The following PHF24 variants were observed in gnomAD, a reference collection of about 807,000 sequenced individuals.
PHF24 encodes Galpha inhibitory interacting protein.
In PHF24, 25 loss-of-function variants were observed where a neutral mutation model predicts 42.6. The ratio of observed to expected loss-of-function variants is 0.59; its 90% CI spans 0.43 to 0.82. PHF24 has a LOEUF of 0.82. PHF24 is among the 40% of genes least tolerant of loss of function. The pLI, the probability that PHF24 is intolerant of heterozygous loss-of-function variation, is 0.00. For synonymous variants in PHF24, 185 were observed against 204.8 expected (o/e 0.90, Z 0.83); for missense variants, 470 against 538.1 (o/e 0.87, Z 1.25).
At chr9:34,977,523 C>G (rs1028853568) in intron 6 of PHF24, 23 bp from the exon 7 acceptor site, 17 of 1,592,698 alleles carry the variant, frequency 1.1e-5, no homozygotes, top group Non-Finnish European at 1.5e-5. Context: ...CCACTCCTAA[C>G]CACGTGTCCT....
At chr9:34,753,923 T>C in the PHF24 span, among the ~76,000 whole-genome samples, 1 of 152,152 alleles carries the variant, frequency 6.6e-6, no homozygotes, top group African/African-American at 2.4e-5. Flanking sequence ...CTGGAAAAAC[T>C]GGAAATCCAT....
At chr9:34,903,403 C>T in the PHF24 span, among the ~76,000 whole-genome samples, 1 of 151,970 alleles carries the variant, frequency 6.6e-6, no homozygotes, top group Admixed American at 6.6e-5. Flanking sequence ...CCCATCTCTA[C>T]AAAAAATAAA....
At chr9:34,733,071 G>T in the PHF24 span, among the ~76,000 whole-genome samples, 1 of 152,268 alleles carries the variant, frequency 6.6e-6, no homozygotes, top group East Asian at 1.9e-4. Context: ...GGGTCAAAAG[G>T]TGTGTGTATT....
At chr9:34,686,617 T>C in the PHF24 span, among the ~76,000 whole-genome samples, 1 of 152,198 alleles carries the variant, frequency 6.6e-6, no homozygotes, top group Non-Finnish European at 1.5e-5. Flanking sequence ...AAGAGCAACC[T>C]GAGAAGGGAT....
At chr9:34,962,014 C>T (rs966390558) in intron 1 of PHF24, among the ~76,000 whole-genome samples, 31 of 152,166 alleles carry the variant, frequency 2.0e-4, no homozygotes, top group Admixed American at 1.8e-3. Flanking sequence ...TCACCACCTA[C>T]GAGCTCTTAG....
At chr9:34,922,290 G>A in the PHF24 span, 2 of 1,592,958 alleles carry the variant, frequency 1.3e-6, no homozygotes, top group Non-Finnish European at 1.7e-6. Flanking sequence ...GCTGTCTTTG[G>A]ATGACTCTTC....
chr9:34,696,387 C>T, the PHF24 span, among the ~76,000 whole-genome samples: 1 of 150,672 alleles, frequency 6.6e-6, no homozygotes, highest in African/African-American at 2.4e-5. Context: ...ACTCAGGGGG[C>T]TGAGGCAGGA....
At chr9:34,753,834 G>C in the PHF24 span, among the ~76,000 whole-genome samples, 2 of 151,960 alleles carry the variant, frequency 1.3e-5, no homozygotes, top group African/African-American at 4.8e-5. Context: ...ACAAATCCAT[G>C]CATCTACAGC....
chr9:34,885,202 A>G, the PHF24 span, among the ~76,000 whole-genome samples: 5 of 152,182 alleles, frequency 3.3e-5, no homozygotes, highest in African/African-American at 1.2e-4. Context: ...AGACCTTGTG[A>G]CTTCATGGCC....
At chr9:34,960,693 A>G (rs1826560128) in intron 1 of PHF24, among the ~76,000 whole-genome samples, 1 of 152,224 alleles carries the variant, frequency 6.6e-6, no homozygotes, top group South Asian at 2.1e-4. Flanking sequence ...TGGAAAAATC[A>G]CTAAATGGAT....
At chr9:34,863,855 G>A in the PHF24 span, among the ~76,000 whole-genome samples, 1 of 152,338 alleles carries the variant, frequency 6.6e-6, no homozygotes. Context: ...TTCAGGCAGA[G>A]AATTCAAAAT....
At chr9:34,835,785 C>T in the PHF24 span, 1 of 1,550,000 alleles carries the variant, frequency 6.5e-7, no homozygotes, top group South Asian at 1.2e-5. Flanking sequence ...TTAATTGTGA[C>T]AGTGTTGGGT....
chr9:34,835,278 T>C, the PHF24 span: 1 of 1,552,068 alleles, frequency 6.4e-7, no homozygotes, highest in Non-Finnish European at 8.7e-7. Flanking sequence ...GAAGTATTAT[T>C]CAGGTTGAAA....
the PHF24 span, among the ~76,000 whole-genome samples, chr9:34,817,817 G>A: frequency 6.6e-6 from 1 of 152,150 alleles, no homozygotes; most frequent in East Asian, 1.9e-4. Flanking sequence ...TTTTAAAAGT[G>A]AGAATATGCA....
the PHF24 span, chr9:34,690,424 C>CTGTGTG: frequency 0.037 from 22,563 of 605,212 alleles, 307 homozygotes; most frequent in East Asian, 0.066. Context: ...TTGAGGACAC[C>CTGTGTG]TGTGTGTGTG....
chr9:34,846,045 T>C, the PHF24 span, among the ~76,000 whole-genome samples: 1 of 152,138 alleles, frequency 6.6e-6, no homozygotes, highest in Non-Finnish European at 1.5e-5. Context: ...TTGTGAATAG[T>C]GCTGCAATAA....
the PHF24 span, chr9:34,723,393 G>C: frequency 6.4e-7 from 1 of 1,551,760 alleles, no homozygotes; most frequent in East Asian, 2.4e-5. Flanking sequence ...GGGCCCACCA[G>C]CTTCTGAGCA....
chr9:34,837,380 G>A, the PHF24 span: 1 of 402,906 alleles, frequency 2.5e-6, no homozygotes, highest in Non-Finnish European at 4.7e-6. Context: ...ACAAGACTGA[G>A]AGATGAAGTG....
At chr9:34,717,352 G>A in the PHF24 span, among the ~76,000 whole-genome samples, 3 of 151,534 alleles carry the variant, frequency 2.0e-5, no homozygotes, top group Non-Finnish European at 4.4e-5. Flanking sequence ...TGGGGAACCA[G>A]GACCTGGTTC....
Sources: gnomAD v4.1 joint callset for allele counts (sites outside exome capture counted in the v4.1 genomes callset) on GRCh38, gnomAD v4.1.1 for gene constraint, MANE v1.5 for transcripts, NCBI Gene and HGNC (gene_info 2026-07-23, HGNC 2026-07-21) for gene names.